Variants in CNTN5 observed in about 807,000 individuals in gnomAD.
The protein encoded by CNTN5 is contactin 5.
Under a neutral mutation model 129.1 loss-of-function variants are expected in CNTN5, and 77 were observed. The observed-to-expected ratio is 0.60, with a 90% CI of 0.50 to 0.72. The LOEUF (loss-of-function observed/expected upper bound fraction) is 0.72. CNTN5 is among the 30% of genes least tolerant of loss of function. The pLI is 0.00. For missense variants in CNTN5, 1,478 were observed against 1,328.8 expected (o/e 1.11, Z -1.75); for synonymous variants, 509 against 465.6 (o/e 1.09, Z -1.20).
chr11:100,068,760 T>C (rs147300408), intron 10 of CNTN5, among the ~76,000 whole-genome samples: 2,145 of 152,284 alleles, frequency 0.014, 21 homozygotes, highest in Non-Finnish European at 0.019. Flanking sequence ...AATCACAGAA[T>C]GTATTCCAAG....
At chr11:99,732,766 T>C (rs1242963158) in intron 3 of CNTN5, among the ~76,000 whole-genome samples, 1 of 152,172 alleles carries the variant, frequency 6.6e-6, no homozygotes, top group Non-Finnish European at 1.5e-5. Flanking sequence ...AGGGATGTTA[T>C]TAAAATAATA....
At chr11:100,040,492 A>G (rs1942311707) in intron 9 of CNTN5, among the ~76,000 whole-genome samples, 1 of 152,180 alleles carries the variant, frequency 6.6e-6, no homozygotes, top group Admixed American at 6.5e-5. Flanking sequence ...GCTCTCTTCA[A>G]AGCTGTCAGA....
chr11:99,997,335 G>A (rs566356695), intron 8 of CNTN5, among the ~76,000 whole-genome samples: 16 of 152,224 alleles, frequency 1.1e-4, no homozygotes, highest in Non-Finnish European at 2.1e-4. Context: ...ATGTTAGGGT[G>A]TCAATTTTGG....
At chr11:99,096,379 A>G (rs908290133) in intron 1 of CNTN5, among the ~76,000 whole-genome samples, 1 of 151,806 alleles carries the variant, frequency 6.6e-6, no homozygotes, top group Non-Finnish European at 1.5e-5. Flanking sequence ...AATAAAATAG[A>G]TGAGATTCAT....
intron 3 of CNTN5, among the ~76,000 whole-genome samples, chr11:99,735,389 T>C (rs1392486343): frequency 6.6e-6 from 1 of 152,220 alleles, no homozygotes; most frequent in Non-Finnish European, 1.5e-5. Flanking sequence ...AAGTAGAAGG[T>C]ATATGTTTAT....
In CNTN5 at chr11:99,033,562, C is replaced by T. The variant is rs933290683; in HGVS notation, c.-210+12292C>T. On this transcript the variant is annotated intron_variant, in intron 1 of 24. Coordinates refer to ENST00000524871, the MANE Select transcript of CNTN5 (RefSeq NM_014361.4). The stretch of plus-strand genomic sequence containing the variant: ...ATGGGAGTTCACTCATGAATTGGCT[C>T]TCTGTTTGTCTGTTGTTGGTGTATA... 2.8e-3 allele frequency among the ~76,000 whole-genome samples: 429 copies of T among 152,120 alleles called. 4 individuals carry two copies. The highest frequency in any genetic ancestry group is 9.4e-3 in the African/African-American group (391 of 41,478).
Position 99,797,288 on chromosome 11 carries a change from G to T in CNTN5, c.56-22256G>T, listed in dbSNP as rs562720151. The stretch of plus-strand genomic sequence containing the variant: ...TATCCAGTAATGGGACTGATAGGTG[G>T]AATGGTAGTTCTGGTTTAAGTTATT... On this transcript the variant is annotated intron_variant, in intron 3 of 24. Coordinates refer to ENST00000524871, the MANE Select transcript of CNTN5 (RefSeq NM_014361.4). Among the ~76,000 whole-genome samples the T allele has an allele frequency of 1.5e-4, 23 of 152,230 alleles. No homozygotes were observed. The Middle Eastern group carries it at 0.01, about 68-fold the overall frequency.
intron 16 of CNTN5, among the ~76,000 whole-genome samples, chr11:100,230,296 G>T (rs146063980): frequency 6.6e-6 from 1 of 152,042 alleles, no homozygotes; most frequent in Admixed American, 6.6e-5. Context: ...TGCTATTATT[G>T]TATGGGATTA....
At chr11:100,054,373 G>A (rs1943112315) in intron 9 of CNTN5, among the ~76,000 whole-genome samples, 1 of 151,740 alleles carries the variant, frequency 6.6e-6, no homozygotes, top group Non-Finnish European at 1.5e-5. Context: ...CCCACATTTT[G>A]CATTCTTTCT....
chr11:99,918,912 C>T (rs979691834), intron 7 of CNTN5, among the ~76,000 whole-genome samples: 41 of 152,266 alleles, frequency 2.7e-4, no homozygotes, highest in African/African-American at 9.4e-4. Context: ...ATCGCAACAG[C>T]TTTTCCTGCT....
chr11:99,097,622 G>A (rs148934525), intron 1 of CNTN5, among the ~76,000 whole-genome samples: 61 of 151,728 alleles, frequency 4.0e-4, no homozygotes, highest in African/African-American at 1.4e-3. Flanking sequence ...TATATTCTAG[G>A]TGAATTAATA....
chr11:99,372,890 G>C (rs1939912678), intron 2 of CNTN5, among the ~76,000 whole-genome samples: 1 of 152,194 alleles, frequency 6.6e-6, no homozygotes, highest in African/African-American at 2.4e-5. Context: ...TATGGCATCT[G>C]AGAGATAAAC....
At chr11:100,123,028 T>C (rs1455826998) in intron 13 of CNTN5, among the ~76,000 whole-genome samples, 1 of 151,964 alleles carries the variant, frequency 6.6e-6, no homozygotes, top group East Asian at 1.9e-4. Context: ...AGTACATTAA[T>C]CAGAACTGTG....
At chr11:100,071,937 A>G (rs549665345) in intron 12 of CNTN5, 103 bp downstream of exon 12, 29 of 1,061,786 alleles carry the variant, frequency 2.7e-5, no homozygotes, top group African/African-American at 6.4e-5. Context: ...GTAAAAATCT[A>G]TTTTATGGCT....
chr11:99,914,221 G>C (rs1445771689), intron 6 of CNTN5, among the ~76,000 whole-genome samples: 1 of 152,080 alleles, frequency 6.6e-6, no homozygotes, highest in African/African-American at 2.4e-5. Flanking sequence ...GGGCAACAGA[G>C]GGAGGAGGCT....
chr11:100,194,588 G>T (rs1948585416), intron 15 of CNTN5, among the ~76,000 whole-genome samples: 3 of 149,816 alleles, frequency 2.0e-5, no homozygotes, highest in South Asian at 2.1e-4. Flanking sequence ...TATTTTAAAG[G>T]TTATGGGATA....
chr11:100,214,993 T>C (rs150425273), intron 15 of CNTN5, among the ~76,000 whole-genome samples: 1 of 152,164 alleles, frequency 6.6e-6, no homozygotes, highest in East Asian at 1.9e-4. Flanking sequence ...AAGCCTCAGT[T>C]GTGGATATTG....
intron 3 of CNTN5, among the ~76,000 whole-genome samples, chr11:99,784,985 G>C (rs1344989245): frequency 6.6e-6 from 1 of 151,754 alleles, no homozygotes; most frequent in African/African-American, 2.4e-5. Context: ...ATTTTTAGTA[G>C]AGACAGGGTT....
At chr11:99,485,626 C>A (rs79713430) in intron 2 of CNTN5, among the ~76,000 whole-genome samples, 130 of 151,878 alleles carry the variant, frequency 8.6e-4, no homozygotes, top group African/African-American at 2.8e-3. Context: ...AAGCATCCTG[C>A]GGAATAAAAA....
Sources: allele counts gnomAD v4.1 joint callset (sites outside exome capture counted in the v4.1 genomes callset), GRCh38; gene constraint gnomAD v4.1.1; transcripts MANE v1.5; gene names NCBI Gene and HGNC (gene_info 2026-07-23, HGNC 2026-07-21).